CRYBG1: variants seen among roughly 807,000 people sequenced by gnomAD.
The protein encoded by CRYBG1 is beta/gamma crystallin domain-containing protein 1.
In CRYBG1, 139 loss-of-function variants were observed where a neutral mutation model predicts 189.2. The ratio of observed to expected loss-of-function variants is 0.73; its 90% CI spans 0.64 to 0.85. The LOEUF (loss-of-function observed/expected upper bound fraction) is 0.85, where lower values mean the gene tolerates loss of function less well. CRYBG1 is among the 40% of genes least tolerant of loss of function. The pLI, the probability that CRYBG1 is intolerant of heterozygous loss-of-function variation, is 0.00. For synonymous variants in CRYBG1, 1,023 were observed against 1,017.1 expected, an observed-to-expected ratio of 1.01 and a Z score of -0.11; for missense variants, 2,611 against 2,675.8, an observed-to-expected ratio of 0.98 and a Z score of 0.53.
chr6:106,478,022 A>G (rs188771820), intron 2 of CRYBG1, among the ~76,000 whole-genome samples: 23 of 152,364 alleles, frequency 1.5e-4, no homozygotes, highest in Non-Finnish European at 2.9e-5. Context: ...CTCCCTGGCA[A>G]GGAGCCAAAT....
Position 106,512,132 on chromosome 6 carries a change from G to T in CRYBG1, c.1015G>T (p.Ala339Ser). The T allele has an allele frequency of 6.5e-7, 1 of 1,534,374 alleles. No individual in the cohort carries two copies. The highest frequency in any genetic ancestry group is 2.4e-5 in the East Asian group (1 of 40,866). Residue 339 changes from alanine to serine, a missense_variant, in exon 3 of 22, where the codon GCG (alanine) becomes TCG (serine). Ala to Ser is a moderately conservative substitution (Grantham distance 99). This residue lies in a region of CRYBG1 where 985 missense variants were observed against 924.4 expected (regional missense o/e 1.07). Transcript: ENST00000633556. ...CGCCCGCAGCCAGCCCCCCAAGGGC[G>T]CGTCTGATTTGCCAGGTGAGCCTCC... ...RNARSQPPKG[A>S]SDLPGEPPAE...
chr6:106,543,881 A>T (rs1017203370), intron 11 of CRYBG1, among the ~76,000 whole-genome samples: 1 of 152,174 alleles, frequency 6.6e-6, no homozygotes, highest in Non-Finnish European at 1.5e-5. Context: ...GGGAAACCCC[A>T]TGTCTACTAA....
intron 1 of CRYBG1, among the ~76,000 whole-genome samples, chr6:106,368,083 A>C (rs1259724271): frequency 3.3e-5 from 5 of 152,104 alleles, no homozygotes; most frequent in Admixed American, 3.3e-4. Flanking sequence ...AATTCCTAAT[A>C]GTCATTCAAA....
intron 1 of CRYBG1, among the ~76,000 whole-genome samples, chr6:106,367,501 C>T (rs1041091021): frequency 6.7e-6 from 1 of 148,712 alleles, no homozygotes; most frequent in Admixed American, 6.8e-5. Flanking sequence ...GCAGGAGAAT[C>T]ACTTGAACCA....
chr6:106,376,968 T>A (rs960331027), intron 1 of CRYBG1, among the ~76,000 whole-genome samples: 2 of 152,188 alleles, frequency 1.3e-5, no homozygotes, highest in African/African-American at 4.8e-5. Context: ...TACAGAAATA[T>A]AAGCAAATTG....
chr6:106,555,410 T>G (rs1774511903), intron 16 of CRYBG1, among the ~76,000 whole-genome samples: 1 of 151,102 alleles, frequency 6.6e-6, no homozygotes, highest in Non-Finnish European at 1.5e-5. Flanking sequence ...GGTGATTAAC[T>G]AGTCACAAAG....
At chr6:106,361,413 A>C (rs1771866948) in intron 1 of CRYBG1, among the ~76,000 whole-genome samples, 1 of 152,202 alleles carries the variant, frequency 6.6e-6, no homozygotes, top group Admixed American at 6.5e-5. Context: ...TTACCGTCCT[A>C]AATGATGGCG....
At chr6:106,428,796 T>G (rs1057273525) in intron 1 of CRYBG1, among the ~76,000 whole-genome samples, 14 of 152,238 alleles carry the variant, frequency 9.2e-5, no homozygotes, top group Non-Finnish European at 1.8e-4. Flanking sequence ...TTGTCATTTC[T>G]GTGCATCAAA....
chr6:106,497,222 C>A (rs962693974), intron 2 of CRYBG1, among the ~76,000 whole-genome samples: 1 of 151,854 alleles, frequency 6.6e-6, no homozygotes, highest in Admixed American at 6.6e-5. Context: ...AAATTCCATA[C>A]GAGGGGAAAT....
chr6:106,393,680 CTTTT>C (rs3047147), intron 1 of CRYBG1, among the ~76,000 whole-genome samples: 196 of 142,130 alleles, frequency 1.4e-3, no homozygotes, highest in East Asian at 4.5e-3. Flanking sequence ...TTTCCTCTTC[CTTTT>C]TTTTTTTTTT....
At chr6:106,537,746 C>T (rs1419921907) in intron 8 of CRYBG1, among the ~76,000 whole-genome samples, 1 of 152,200 alleles carries the variant, frequency 6.6e-6, no homozygotes, top group Non-Finnish European at 1.5e-5. Context: ...CGTCCTCACG[C>T]CCTCTTCCCC....
At chr6:106,474,499 TTTTA>T (rs1464932649) in intron 2 of CRYBG1, among the ~76,000 whole-genome samples, 4 of 152,220 alleles carry the variant, frequency 2.6e-5, no homozygotes, top group African/African-American at 9.7e-5. Context: ...AGGTTTTACT[TTTTA>T]TTTAGTATTT....
In CRYBG1 at chr6:106,487,105, G is replaced by C. The variant is rs183671501; in HGVS notation, c.313-24325G>C. On this transcript the variant is annotated intron_variant, in intron 2 of 21. Coordinates refer to ENST00000633556, the MANE Select transcript of CRYBG1 (RefSeq NM_001371242.2). ...TGAAATTTGTGTGTGTGTGATTACC[G>C]TGGGGTTAACAAAACAAGTCTTGTA... Among the ~76,000 whole-genome samples the C allele has an allele frequency of 2.6e-5, 4 of 151,916 alleles. No homozygotes were observed. In the East Asian group the frequency reaches 7.7e-4, roughly 29 times the overall value.
At chr6:106,467,555 A>T (rs1562315079) in intron 2 of CRYBG1, among the ~76,000 whole-genome samples, 1 of 152,334 alleles carries the variant, frequency 6.6e-6, no homozygotes, top group South Asian at 2.1e-4. Context: ...GCTTGCAAGG[A>T]CAAATCCATT....
intron 8 of CRYBG1, among the ~76,000 whole-genome samples, chr6:106,532,142 A>G (rs972083973): frequency 6.6e-6 from 1 of 152,170 alleles, no homozygotes; most frequent in Non-Finnish European, 1.5e-5. Context: ...CATCACCTCA[A>G]ACACGTATTA....
intron 1 of CRYBG1, among the ~76,000 whole-genome samples, chr6:106,393,558 A>G (rs1202372608): frequency 2.6e-5 from 4 of 152,144 alleles, no homozygotes; most frequent in Non-Finnish European, 5.9e-5. Flanking sequence ...CCTCTGTTAA[A>G]TATTTTGACT....
At chr6:106,432,840 C>CTTTTTTTTTTTT (rs5878888) in intron 1 of CRYBG1, among the ~76,000 whole-genome samples, 13 of 128,882 alleles carry the variant, frequency 1.0e-4, no homozygotes, top group East Asian at 2.2e-4. Context: ...TCTTTTCTTT[C>CTTTTTTTTTTTT]TTTTTTTTTT....
chr6:106,563,168 G>A (rs1251331668), intron 20 of CRYBG1, among the ~76,000 whole-genome samples: 1 of 152,134 alleles, frequency 6.6e-6, no homozygotes, highest in Non-Finnish European at 1.5e-5. Flanking sequence ...TTCACTTCAG[G>A]GAAGGGCTCA....
At chr6:106,552,106 A>G (rs1168128413) in intron 14 of CRYBG1, 78 bp from the exon 15 acceptor site, 1 of 1,447,202 alleles carries the variant, frequency 6.9e-7, no homozygotes, top group Non-Finnish European at 9.6e-7. Context: ...AGTAATTGCT[A>G]ATAATCTAGA....
Sources: gnomAD v4.1 joint callset for allele counts (sites outside exome capture counted in the v4.1 genomes callset) on GRCh38, gnomAD v4.1.1 for gene constraint, gnomAD v4.1.1 regional missense constraint, MANE v1.5 for transcripts, NCBI Gene and HGNC (gene_info 2026-07-23, HGNC 2026-07-21) for gene names.